The following BABAM2 variants were observed in gnomAD, a reference collection of about 807,000 sequenced individuals.
BABAM2 encodes the protein BRISC and BRCA1 A complex member 2, also known as BRISC and BRCA1-A complex member 2.
A neutral mutation model predicts 54.7 loss-of-function variants in BABAM2; 31 were observed. The ratio of observed to expected loss-of-function variants is 0.57; its 90% CI spans 0.43 to 0.77. BABAM2 has a LOEUF of 0.77. Among genes scored for constraint, BABAM2 ranks in the 30% least tolerant of loss-of-function variants. The pLI is 0.00. For synonymous variants in BABAM2, 167 were observed against 162.9 expected (o/e 1.03, Z -0.19); for missense variants, 364 against 455.8 (o/e 0.80, Z 1.83).
chr2:28,231,136 A>G (rs1681345969), intron 7 of BABAM2, among the ~76,000 whole-genome samples: 1 of 152,146 alleles, frequency 6.6e-6, no homozygotes, highest in African/African-American at 2.4e-5. Context: ...TCTCATCTGT[A>G]AATGGGGCTA....
chr2:28,140,332 A>G (rs1257938737), intron 7 of BABAM2, among the ~76,000 whole-genome samples: 4 of 152,152 alleles, frequency 2.6e-5, no homozygotes, highest in African/African-American at 7.2e-5. Context: ...CATTATTCCA[A>G]TATCTTCCAA....
intron 6 of BABAM2, among the ~76,000 whole-genome samples, chr2:28,076,818 A>G (rs1249328814): frequency 6.6e-6 from 1 of 152,022 alleles, no homozygotes; most frequent in East Asian, 1.9e-4. Context: ...AACATTTTTA[A>G]TAGAAAGTTT....
At chr2:28,027,144 T>G (rs1006248127) in intron 5 of BABAM2, among the ~76,000 whole-genome samples, 2 of 150,590 alleles carry the variant, frequency 1.3e-5, no homozygotes, top group Admixed American at 1.3e-4. Context: ...ACTGGCACCC[T>G]GCTGTGCAGC....
intron 3 of BABAM2, among the ~76,000 whole-genome samples, chr2:27,965,432 C>G (rs1262413412): frequency 1.3e-5 from 2 of 152,090 alleles, no homozygotes; most frequent in Non-Finnish European, 2.9e-5. Flanking sequence ...AACTCATGGT[C>G]AATTCTATTT....
chr2:27,974,449 C>T (rs1671449752), intron 3 of BABAM2, among the ~76,000 whole-genome samples: 1 of 152,052 alleles, frequency 6.6e-6, no homozygotes. Flanking sequence ...CCAAGTTCAA[C>T]ATTTGAAAAT....
At chr2:28,272,640 C>T (rs1040785018) in intron 10 of BABAM2, among the ~76,000 whole-genome samples, 3 of 152,104 alleles carry the variant, frequency 2.0e-5, no homozygotes, top group South Asian at 2.1e-4. Flanking sequence ...GAAGACTCAG[C>T]GGGGCTCCAC....
chr2:28,337,244 C>A (rs1307541635), intron 11 of BABAM2, among the ~76,000 whole-genome samples: 1 of 152,112 alleles, frequency 6.6e-6, no homozygotes, highest in Non-Finnish European at 1.5e-5. Context: ...CCCCTCCCTT[C>A]TCCTCCCCTC....
chr2:28,128,384 A>G (rs1669754578), intron 6 of BABAM2, among the ~76,000 whole-genome samples: 1 of 152,254 alleles, frequency 6.6e-6, no homozygotes, highest in Non-Finnish European at 1.5e-5. Flanking sequence ...AATGTGTGCC[A>G]CGAGATTTAT....
Position 28,112,146 on chromosome 2 carries a change from T to TTTCTTTCTTTCTTTCTTTCTTTCCTTCC in BABAM2, c.571-17123_571-17122insCTTTCTTTCTTTCTTTCTTTCCTTCCTT, listed in dbSNP as rs1344247281. On this transcript the variant is annotated intron_variant, in intron 6 of 11. Transcript: ENST00000379624. ...CTTTCTTTCTTTCTTTCTTTCTTTC[T>TTTCTTTCTTTCTTTCTTTCTTTCCTTCC]TTACCTCCCTCCCTCCCTCCCTCCC... is the stretch of plus-strand genomic sequence containing the variant. 1.1e-3 allele frequency among the ~76,000 whole-genome samples: 12 copies of TTTCTTTCTTTCTTTCTTTCTTTCCTTCC among 10,560 alleles called. 3 individuals carry two copies. The highest frequency in any genetic ancestry group is 1.5e-3 in the Non-Finnish European group (10 of 6,796). The allele number at this position is 10,560 out of a possible 152,430, so 6.9% of individuals were successfully genotyped here.
At chr2:27,917,472 G>A (rs1389061198) in intron 2 of BABAM2, among the ~76,000 whole-genome samples, 1 of 152,150 alleles carries the variant, frequency 6.6e-6, no homozygotes, top group Non-Finnish European at 1.5e-5. Flanking sequence ...ATTGTGTCTG[G>A]TGAGGGCCCG....
intron 7 of BABAM2, among the ~76,000 whole-genome samples, chr2:28,218,126 G>C (rs574303702): frequency 6.6e-6 from 1 of 152,204 alleles, no homozygotes; most frequent in South Asian, 2.1e-4. Context: ...TTACATTTTT[G>C]TATCTGCTCA....
chr2:28,003,996 C>T (rs767948802), intron 4 of BABAM2, among the ~76,000 whole-genome samples: 8 of 152,018 alleles, frequency 5.3e-5, no homozygotes, highest in Non-Finnish European at 1.0e-4. Context: ...AGGTTTTGTG[C>T]TTAATGAAGT....
intron 11 of BABAM2, among the ~76,000 whole-genome samples, chr2:28,310,906 A>G (rs1488149786): frequency 2.0e-5 from 3 of 151,526 alleles, no homozygotes; most frequent in Non-Finnish European, 2.9e-5. Flanking sequence ...AAAGAAAAAA[A>G]GAGTAACTGG....
At chr2:28,201,366 C>T (rs1269123770) in intron 7 of BABAM2, among the ~76,000 whole-genome samples, 1 of 152,102 alleles carries the variant, frequency 6.6e-6, no homozygotes, top group African/African-American at 2.4e-5. Flanking sequence ...GACCCAATCT[C>T]AACATTTGTT....
At chr2:27,957,422 A>G (rs1157177095) in intron 3 of BABAM2, among the ~76,000 whole-genome samples, 2 of 152,150 alleles carry the variant, frequency 1.3e-5, no homozygotes, top group South Asian at 2.1e-4. Context: ...TTGCCTTGAT[A>G]GCCTGTCCTT....
chr2:28,122,384 A>G (rs1018122645), intron 6 of BABAM2, among the ~76,000 whole-genome samples: 5 of 152,150 alleles, frequency 3.3e-5, no homozygotes, highest in Non-Finnish European at 5.9e-5. Context: ...CAGGAGGATC[A>G]CTTGAGCCCA....
chr2:28,080,156 TA>T (rs1374734274), intron 6 of BABAM2, among the ~76,000 whole-genome samples: 1 of 152,168 alleles, frequency 6.6e-6, no homozygotes, highest in Non-Finnish European at 1.5e-5. Flanking sequence ...GGGCATCTTT[TA>T]TCATATTTGT....
intron 6 of BABAM2, among the ~76,000 whole-genome samples, chr2:28,076,723 GTCTCA>G (rs1664719759): frequency 5.3e-5 from 8 of 152,042 alleles, no homozygotes; most frequent in Admixed American, 5.2e-4. Flanking sequence ...AGCCAGGATG[GTCTCA>G]ATCTCCTGAC....
chr2:27,992,595 A>G (rs1672858793), intron 4 of BABAM2, among the ~76,000 whole-genome samples: 1 of 152,220 alleles, frequency 6.6e-6, no homozygotes, highest in South Asian at 2.1e-4. Flanking sequence ...AGAAGAGAGG[A>G]TGTTCAATAA....
Sources: gnomAD v4.1 joint callset for allele counts (sites outside exome capture counted in the v4.1 genomes callset) on GRCh38, gnomAD v4.1.1 for gene constraint, MANE v1.5 for transcripts, NCBI Gene and HGNC (gene_info 2026-07-23, HGNC 2026-07-21) for gene names.